Variants in GLYATL2 observed in about 807,000 individuals in gnomAD.
The protein encoded by GLYATL2 is glycine-N-acyltransferase like 2, also known as glycine N-acyltransferase-like protein 2.
A neutral mutation model predicts 21.4 loss-of-function variants in GLYATL2; 25 were observed. The observed-to-expected ratio is 1.17, with a 90% CI of 0.85 to 1.63. The LOEUF (loss-of-function observed/expected upper bound fraction) is 1.63. Ranked by LOEUF, GLYATL2 falls within the 40% of genes most tolerant of loss-of-function variation. The pLI is 0.00. For synonymous variants in GLYATL2, 114 were observed against 118.2 expected (o/e 0.96, Z 0.23); for missense variants, 361 against 343.3 (o/e 1.05, Z -0.41).
At chr11:58,857,522 G>A (rs1853850877) in intron 1 of GLYATL2, among the ~76,000 whole-genome samples, 1 of 152,118 alleles carries the variant, frequency 6.6e-6, no homozygotes, top group African/African-American at 2.4e-5. Context: ...GCTGCCCCAT[G>A]CTTGCAGAGC....
intron 1 of GLYATL2, among the ~76,000 whole-genome samples, chr11:58,860,982 G>A (rs368082013): frequency 7.4e-4 from 112 of 152,142 alleles, no homozygotes; most frequent in African/African-American, 2.5e-3. Context: ...TTGACATGCT[G>A]TTGAGATTAG....
At chr11:58,887,159 A>G (rs1854456639) in intron 1 of GLYATL2, among the ~76,000 whole-genome samples, 1 of 152,254 alleles carries the variant, frequency 6.6e-6, no homozygotes, top group Non-Finnish European at 1.5e-5. Flanking sequence ...ATAACTTCAC[A>G]TATGCATTGC....
chr11:58,904,320 C>T (rs1396469427), upstream of GLYATL2: 2 of 152,170 alleles, frequency 1.3e-5, no homozygotes, highest in Non-Finnish European at 2.9e-5. Flanking sequence ...ACAAATCCTC[C>T]ATTTAAAATA....
At chr11:58,865,667 T>C (rs1425526152) in intron 1 of GLYATL2, among the ~76,000 whole-genome samples, 2 of 148,962 alleles carry the variant, frequency 1.3e-5, no homozygotes, top group Non-Finnish European at 3.0e-5. Flanking sequence ...CTATCTGATT[T>C]TCCTCTCTTT....
intron 1 of GLYATL2, among the ~76,000 whole-genome samples, chr11:58,896,490 A>C (rs1247129330): frequency 1.3e-5 from 2 of 152,212 alleles, no homozygotes; most frequent in African/African-American, 4.8e-5. Context: ...ATAGTGTGAG[A>C]CAACAAACTT....
At chr11:58,871,288 TTTA>T (rs1259233194) in intron 1 of GLYATL2, among the ~76,000 whole-genome samples, 1 of 150,346 alleles carries the variant, frequency 6.7e-6, no homozygotes, top group African/African-American at 2.5e-5. Flanking sequence ...TATTTATTTA[TTTA>T]TTATTATTAT....
chr11:58,843,034 T>C (rs1229412237), intron 1 of GLYATL2, among the ~76,000 whole-genome samples: 1 of 152,242 alleles, frequency 6.6e-6, no homozygotes, highest in Non-Finnish European at 1.5e-5. Context: ...TGTAGGAACT[T>C]AACTCTTCTT....
At chr11:58,851,558 A>G (rs1382887965) in intron 1 of GLYATL2, among the ~76,000 whole-genome samples, 1 of 31,566 alleles carries the variant, frequency 3.2e-5, no homozygotes, top group Non-Finnish European at 2.4e-4. Flanking sequence ...ATTAAATATT[A>G]AAAAGAATTA....
At chr11:58,842,933 C>A (rs748404299) in intron 1 of GLYATL2, among the ~76,000 whole-genome samples, 2 of 152,044 alleles carry the variant, frequency 1.3e-5, no homozygotes, top group Non-Finnish European at 2.9e-5. Context: ...TAAATGTATA[C>A]GCAGTTTCCA....
chr11:58,882,119 T>C (rs1854347589), intron 1 of GLYATL2, among the ~76,000 whole-genome samples: 1 of 152,218 alleles, frequency 6.6e-6, no homozygotes, highest in Non-Finnish European at 1.5e-5. Context: ...CTGAGTCAAA[T>C]GGTATTTCTA....
At chr11:58,895,190 C>T (rs1005994268) in intron 1 of GLYATL2, among the ~76,000 whole-genome samples, 2 of 152,068 alleles carry the variant, frequency 1.3e-5, no homozygotes, top group African/African-American at 4.8e-5. Flanking sequence ...GATTCCCAAA[C>T]CTTAACATGC....
chr11:58,905,703 G>A (rs1465217317), upstream of GLYATL2: 3 of 440,546 alleles, frequency 6.8e-6, no homozygotes, highest in South Asian at 3.1e-5. Flanking sequence ...TCGGGGGAGG[G>A]GATCGCTGGG....
At chr11:58,878,305 A>T in intron 1 of GLYATL2, 1 of 509,130 alleles carries the variant, frequency 2.0e-6, no homozygotes. Context: ...TATCCCCAGG[A>T]GCGCTAAGTG....
At chr11:58,883,000 G>A (rs1854368331) in intron 1 of GLYATL2, among the ~76,000 whole-genome samples, 2 of 152,144 alleles carry the variant, frequency 1.3e-5, no homozygotes, top group Non-Finnish European at 2.9e-5. Flanking sequence ...GATGCCTCCA[G>A]CTTTGTTCTT....
chr11:58,860,668 T>C (rs1172506104), intron 1 of GLYATL2, among the ~76,000 whole-genome samples: 1 of 152,142 alleles, frequency 6.6e-6, no homozygotes, highest in Non-Finnish European at 1.5e-5. Context: ...TGAGCATCCT[T>C]GCCTTGTCCT....
At chr11:58,843,564 A>G (rs10896853) in intron 1 of GLYATL2, among the ~76,000 whole-genome samples, 39,909 of 152,004 alleles carry the variant, frequency 0.26, 5,721 homozygotes, top group East Asian at 0.51. Flanking sequence ...AAGCATTTGA[A>G]TATATAGAAA....
At chr11:58,866,021 C>T (rs1396375361) in intron 1 of GLYATL2, among the ~76,000 whole-genome samples, 1 of 148,780 alleles carries the variant, frequency 6.7e-6, no homozygotes, top group Non-Finnish European at 1.5e-5. Context: ...AAAGCATGTC[C>T]TGTGGATCCC....
At chr11:58,840,547 T>G (rs1455919953) in intron 1 of GLYATL2, 1 of 152,048 alleles carries the variant, frequency 6.6e-6, no homozygotes, top group Non-Finnish European at 1.5e-5. Flanking sequence ...CAATTAATAA[T>G]ATAAAGATGC....
chr11:58,856,345 C>T (rs887723018), intron 1 of GLYATL2, among the ~76,000 whole-genome samples: 1 of 152,120 alleles, frequency 6.6e-6, no homozygotes, highest in Non-Finnish European at 1.5e-5. Context: ...AAACTTGCTT[C>T]AAAACAGCAA....
Sources: allele counts gnomAD v4.1 joint callset (sites outside exome capture counted in the v4.1 genomes callset), GRCh38; gene constraint gnomAD v4.1.1; transcripts MANE v1.5; gene names NCBI Gene and HGNC (gene_info 2026-07-23, HGNC 2026-07-21).